The following UNC13C variants were observed in gnomAD, a reference collection of about 807,000 sequenced individuals.
The protein encoded by UNC13C is protein unc-13 homolog C.
UNC13C carries 174 observed loss-of-function variants against 245.4 expected under a neutral mutation model. The ratio of observed to expected loss-of-function variants is 0.71; its 90% CI spans 0.63 to 0.80. UNC13C has a LOEUF of 0.80. Ranked by LOEUF, UNC13C falls within the 30% of genes least tolerant of loss-of-function variation. UNC13C has a pLI of 0.00. For missense variants in UNC13C, 2,829 were observed against 2,602.9 expected (o/e 1.09, Z -1.89); for synonymous variants, 992 against 895.1 (o/e 1.11, Z -1.93).
chr15:54,082,464 A>T (rs909029636), intron 2 of UNC13C, among the ~76,000 whole-genome samples: 2 of 151,968 alleles, frequency 1.3e-5, no homozygotes, highest in Middle Eastern at 3.4e-3. Flanking sequence ...TTGTTCATTA[A>T]TTTTTTTTAA....
intron 19 of UNC13C, among the ~76,000 whole-genome samples, chr15:54,449,220 T>A (rs1487871299): frequency 1.3e-5 from 2 of 152,190 alleles, no homozygotes; most frequent in Non-Finnish European, 2.9e-5. Context: ...TTTTCCTTCA[T>A]TTCAACTTTG....
the UNC13C span, among the ~76,000 whole-genome samples, chr15:53,919,500 G>T: frequency 6.6e-6 from 1 of 152,162 alleles, no homozygotes; most frequent in Admixed American, 6.5e-5. Flanking sequence ...AGCTGCTCAG[G>T]TGTTGATTTC....
chr15:54,558,978 G>A (rs1165234262), intron 29 of UNC13C, among the ~76,000 whole-genome samples: 1 of 151,930 alleles, frequency 6.6e-6, no homozygotes, highest in Non-Finnish European at 1.5e-5. Flanking sequence ...AGAAATAGCA[G>A]TTACACTTTG....
chr15:54,049,150 T>G, intron 2 of UNC13C: 1 of 396,628 alleles, frequency 2.5e-6, no homozygotes, highest in Non-Finnish European at 5.0e-6. Flanking sequence ...GGAAGAAGCT[T>G]TCCATCATCT....
In UNC13C at chr15:54,546,735, G is replaced by A. The variant is rs763536936; in HGVS notation, c.5710G>A (p.Ala1904Thr). Residue 1904 changes from alanine to threonine, a missense_variant, in exon 27 of 33, where the codon GCA becomes ACA. Ala to Thr is a moderately conservative substitution (Grantham distance 58). Transcript: ENST00000260323. ...DFLDKTLSLS[A>T]KICEKTVLKR... ...TTTTTTTTTCAGATTAAGTCTCTCA[G>A]CAAAAATCTGTGAGAAAACAGTCCT... The A allele has an allele frequency of 6.6e-7, 1 of 1,505,140 alleles. No individual in the cohort carries two copies. The highest frequency in any genetic ancestry group is 8.9e-7 in the Non-Finnish European group (1 of 1,126,384). The allele number at this position is 1,505,140 out of a possible 1,614,324, so 93.2% of individuals were successfully genotyped here.
intron 8 of UNC13C, among the ~76,000 whole-genome samples, chr15:54,262,533 A>C (rs1438861380): frequency 6.6e-6 from 1 of 152,224 alleles, no homozygotes; most frequent in Non-Finnish European, 1.5e-5. Flanking sequence ...AGAATTATGG[A>C]CTGTGTAAAC....
intron 4 of UNC13C, among the ~76,000 whole-genome samples, chr15:54,202,008 T>C (rs1396128985): frequency 6.6e-6 from 1 of 151,990 alleles, no homozygotes; most frequent in African/African-American, 2.4e-5. Flanking sequence ...GTAGCTCTGC[T>C]ATACACCAGC....
chr15:54,191,979 T>A (rs1408635562), intron 4 of UNC13C, among the ~76,000 whole-genome samples: 2 of 152,182 alleles, frequency 1.3e-5, no homozygotes, highest in Non-Finnish European at 2.9e-5. Flanking sequence ...ATTGCAAAAA[T>A]TTTCTTCCAT....
chr15:54,274,857 A>G (rs558364422), intron 10 of UNC13C, among the ~76,000 whole-genome samples: 15 of 151,822 alleles, frequency 9.9e-5, no homozygotes, highest in Non-Finnish European at 2.1e-4. Flanking sequence ...TTTTTAGTAG[A>G]GACAGGGTTT....
intron 19 of UNC13C, among the ~76,000 whole-genome samples, chr15:54,441,531 A>G (rs932129905): frequency 6.6e-6 from 1 of 151,982 alleles, no homozygotes; most frequent in Non-Finnish European, 1.5e-5. Flanking sequence ...AGGGTTCTCT[A>G]TTGTGTTCCA....
At chr15:53,985,650 A>G (rs1894107436) in intron 1 of UNC13C, among the ~76,000 whole-genome samples, 1 of 152,002 alleles carries the variant, frequency 6.6e-6, no homozygotes, top group African/African-American at 2.4e-5. Context: ...ACAACCACTG[A>G]AAGGCAGAAG....
intron 2 of UNC13C, among the ~76,000 whole-genome samples, chr15:54,133,625 A>G (rs564226604): frequency 6.6e-6 from 1 of 152,316 alleles, no homozygotes; most frequent in South Asian, 2.1e-4. Flanking sequence ...AAGACTAGGA[A>G]CATTGGGAGC....
intron 4 of UNC13C, among the ~76,000 whole-genome samples, chr15:54,203,797 TGTGTATATG>T: frequency 1.9e-5 from 2 of 107,860 alleles, no homozygotes; most frequent in Non-Finnish European, 4.4e-5. Context: ...GATATACACA[TGTGTATATG>T]TCTGTGTATA....
intron 10 of UNC13C, among the ~76,000 whole-genome samples, chr15:54,289,377 G>C (rs1056727739): frequency 6.6e-6 from 1 of 152,028 alleles, no homozygotes; most frequent in African/African-American, 2.4e-5. Flanking sequence ...AAAGTTTATA[G>C]TGAGCAAGAT....
the UNC13C span, among the ~76,000 whole-genome samples, chr15:53,957,846 C>T: frequency 7.5e-3 from 1,140 of 152,296 alleles, 14 homozygotes; most frequent in African/African-American, 0.026. Context: ...GCAACAAACA[C>T]CAAATAGTCC....
At chr15:54,308,722 T>A (rs561654190) in intron 13 of UNC13C, among the ~76,000 whole-genome samples, 52 of 151,888 alleles carry the variant, frequency 3.4e-4, no homozygotes, top group African/African-American at 1.2e-3. Context: ...TTCCTCTTTT[T>A]TTATATATTT....
At chr15:53,936,164 A>G in the UNC13C span, among the ~76,000 whole-genome samples, 15 of 152,246 alleles carry the variant, frequency 9.9e-5, no homozygotes, top group East Asian at 2.9e-3. Flanking sequence ...GGAGAGTCAG[A>G]CACCATCTCT....
At chr15:54,213,576 A>G (rs1317536895) in intron 4 of UNC13C, among the ~76,000 whole-genome samples, 1 of 152,056 alleles carries the variant, frequency 6.6e-6, no homozygotes, top group Non-Finnish European at 1.5e-5. Flanking sequence ...ATCCTGGGAA[A>G]TTACCCCTCT....
At chr15:54,610,963 T>A (rs1596672002) in intron 30 of UNC13C, among the ~76,000 whole-genome samples, 1 of 152,236 alleles carries the variant, frequency 6.6e-6, no homozygotes, top group Non-Finnish European at 1.5e-5. Flanking sequence ...TATACTTTTT[T>A]AAATTTAGCA....
Sources: allele counts gnomAD v4.1 joint callset (sites outside exome capture counted in the v4.1 genomes callset), GRCh38; gene constraint gnomAD v4.1.1; transcripts MANE v1.5; gene names NCBI Gene and HGNC (gene_info 2026-07-23, HGNC 2026-07-21).